PPP2R2D: variants seen among roughly 807,000 people sequenced by gnomAD.
PPP2R2D encodes protein phosphatase 2 regulatory subunit Bdelta.
Under a neutral mutation model 31.1 loss-of-function variants are expected in PPP2R2D, and 9 were observed. The ratio of observed to expected loss-of-function variants is 0.29; its 90% CI spans 0.17 to 0.51. PPP2R2D has a LOEUF of 0.51. Ranked by LOEUF, PPP2R2D falls within the 20% of genes least tolerant of loss-of-function variation. The pLI is 0.98. For missense variants in PPP2R2D, 391 were observed against 465.6 expected (o/e 0.84, Z 1.48); for synonymous variants, 179 against 172.6 (o/e 1.04, Z -0.29).
chr10:131,951,302 G>A (rs942004544), intron 8 of PPP2R2D, among the ~76,000 whole-genome samples: 9 of 152,328 alleles, frequency 5.9e-5, no homozygotes, highest in Admixed American at 2.0e-4. Context: ...ACCTGAAATA[G>A]CAAACAACTG....
intron 3 of PPP2R2D, chr10:131,934,855 C>G (rs913148384): frequency 4.1e-6 from 2 of 482,224 alleles, no homozygotes; most frequent in African/African-American, 2.0e-5. Context: ...TAAGAACTCA[C>G]GCGGCTCTCT....
Position 131,955,815 on chromosome 10 carries a change from C to A in PPP2R2D, c.1214C>A (p.Thr405Lys). The A allele has an allele frequency of 2.5e-6, 4 of 1,608,596 alleles. No homozygotes were observed. Among genetic ancestry groups the A allele is most frequent in the Non-Finnish European group, 3.4e-6 (4 of 1,177,146 alleles). ...AGCCTCAAACCCCGGAAGGTGTGTA[C>A]GGGGGGTAAGCGGAGGAAAGACGAG... is the stretch of plus-strand genomic sequence containing the variant. Reference protein sequence around the residue: ...RASLKPRKVCTGGKRRKDEIS... With the variant: ...RASLKPRKVCKGGKRRKDEIS... Residue 405 changes from threonine (T) to lysine (K), a missense_variant, in exon 9 of 9, where the codon ACG becomes AAG. This residue lies in a region of PPP2R2D where 163 missense variants were observed against 179.5 expected (regional missense o/e 0.91). Coordinates refer to ENST00000455566, the MANE Select transcript of PPP2R2D (RefSeq NM_018461.5).
chr10:131,928,684 G>T (rs1564816633), intron 2 of PPP2R2D, among the ~76,000 whole-genome samples: 2 of 152,240 alleles, frequency 1.3e-5, no homozygotes, highest in East Asian at 1.9e-4. Flanking sequence ...GTGGGCGGAG[G>T]CTGGCGGCAG....
At chr10:131,929,559 A>G (rs573377220) in intron 2 of PPP2R2D, among the ~76,000 whole-genome samples, 1 of 152,108 alleles carries the variant, frequency 6.6e-6, no homozygotes, top group South Asian at 2.1e-4. Context: ...TAGGCTCTCC[A>G]CATCGCCCGT....
intron 3 of PPP2R2D, among the ~76,000 whole-genome samples, chr10:131,939,165 AGACCTGCTCCAGAAAACACGG>A (rs1554896843): frequency 0.13 from 10,612 of 79,208 alleles, 1,039 homozygotes; most frequent in East Asian, 0.23. Flanking sequence ...TGCATTCGGC[AGACCTGCTCCAGAAAACACGG>A]CAGGCTGCAT....
At chr10:131,923,836 C>T (rs2036043236) in intron 2 of PPP2R2D, among the ~76,000 whole-genome samples, 1 of 152,088 alleles carries the variant, frequency 6.6e-6, no homozygotes, top group Non-Finnish European at 1.5e-5. Flanking sequence ...TGTCATAGCT[C>T]ACTGTTAACT....
At chr10:131,902,497 C>T (rs2035516780) in intron 2 of PPP2R2D, among the ~76,000 whole-genome samples, 1 of 152,164 alleles carries the variant, frequency 6.6e-6, no homozygotes, top group Non-Finnish European at 1.5e-5. Flanking sequence ...GGTTATTAAG[C>T]AGGTGAAACT....
At chr10:131,966,220 A>G in the PPP2R2D span, among the ~76,000 whole-genome samples, 16 of 152,226 alleles carry the variant, frequency 1.1e-4, no homozygotes, top group Admixed American at 1.0e-3. Context: ...GCAGATGTGT[A>G]TGGGCAAATG....
At chr10:131,905,906 A>G (rs1040880480) in intron 2 of PPP2R2D, among the ~76,000 whole-genome samples, 20 of 152,312 alleles carry the variant, frequency 1.3e-4, no homozygotes, top group Non-Finnish European at 2.5e-4. Context: ...AAATCTTACT[A>G]CCAAGAGGCG....
At chr10:131,922,283 TTAATGC>T (rs1452134178) in intron 2 of PPP2R2D, among the ~76,000 whole-genome samples, 4 of 152,366 alleles carry the variant, frequency 2.6e-5, no homozygotes, top group African/African-American at 9.6e-5. Flanking sequence ...GTAACTATTG[TTAATGC>T]TGATGTATTC....
chr10:131,951,358 G>A (rs919488412), intron 8 of PPP2R2D, among the ~76,000 whole-genome samples: 8 of 152,206 alleles, frequency 5.3e-5, no homozygotes, highest in African/African-American at 1.9e-4. Flanking sequence ...CAGGTAAGTT[G>A]TTCTCTATCA....
intron 3 of PPP2R2D, chr10:131,934,787 G>A (rs926939275): frequency 2.3e-5 from 13 of 569,192 alleles, no homozygotes; most frequent in African/African-American, 2.2e-4. Flanking sequence ...AGATTCCGCT[G>A]GGGACCCCAT....
chr10:131,935,012 C>A, intron 3 of PPP2R2D: 1 of 454,336 alleles, frequency 2.2e-6, no homozygotes, highest in Non-Finnish European at 4.4e-6. Context: ...GAGAGGTGAG[C>A]AGCACTCACT....
chr10:131,918,282 C>T (rs1433215614), intron 2 of PPP2R2D, among the ~76,000 whole-genome samples: 6 of 138,600 alleles, frequency 4.3e-5, no homozygotes, highest in South Asian at 2.4e-4. Context: ...GGACCTCAGG[C>T]GGGTGGAATG....
chr10:131,901,528 C>G (rs1456869432), intron 2 of PPP2R2D, among the ~76,000 whole-genome samples, 198 bp downstream of exon 2: 1 of 151,854 alleles, frequency 6.6e-6, no homozygotes, highest in Non-Finnish European at 1.5e-5. Context: ...CCGCGGGGCA[C>G]GGGCGGAGGC....
chr10:131,903,189 G>A (rs1204905565), intron 2 of PPP2R2D, among the ~76,000 whole-genome samples: 12 of 151,990 alleles, frequency 7.9e-5, no homozygotes, highest in East Asian at 1.9e-4. Flanking sequence ...ATCTTGGGCC[G>A]GGTGTTGTGG....
chr10:131,925,264 G>A (rs2036083163), intron 2 of PPP2R2D, among the ~76,000 whole-genome samples: 1 of 152,232 alleles, frequency 6.6e-6, no homozygotes, highest in Non-Finnish European at 1.5e-5. Flanking sequence ...TCATCATGAA[G>A]TGTGATGTTA....
chr10:131,946,334 G>T (rs1438658986), intron 7 of PPP2R2D, among the ~76,000 whole-genome samples: 1 of 152,148 alleles, frequency 6.6e-6, no homozygotes, highest in Non-Finnish European at 1.5e-5. Flanking sequence ...AAACATTGCT[G>T]ACCCTTCCTC....
Position 131,902,407 on chromosome 10 carries a change from C to G in PPP2R2D, c.100+1077C>G, listed in dbSNP as rs961030056. ...ACTCCCTCTTCCCTACCCTGTACCTCTCCCTGGCAGTGTCTGGTTTGGCAC... is the reference window on the plus strand; with the variant it reads ...ACTCCCTCTTCCCTACCCTGTACCTGTCCCTGGCAGTGTCTGGTTTGGCAC... On this transcript the variant is annotated intron_variant, in intron 2 of 8. Transcript: ENST00000455566. 3.9e-5 allele frequency among the ~76,000 whole-genome samples: 6 copies of G among 152,272 alleles called. No individual in the cohort carries two copies. In the South Asian group the frequency reaches 1.2e-3, roughly 32 times the overall value.
Sources: allele counts gnomAD v4.1 joint callset (sites outside exome capture counted in the v4.1 genomes callset), GRCh38; gene constraint gnomAD v4.1.1; regional missense constraint gnomAD v4.1.1; transcripts MANE v1.5; gene names NCBI Gene and HGNC (gene_info 2026-07-23, HGNC 2026-07-21).